The following PRELID2 variants were observed in gnomAD, a reference collection of about 807,000 sequenced individuals.
The protein encoded by PRELID2 is PRELI domain-containing protein 2.
Under a neutral mutation model 28.4 loss-of-function variants are expected in PRELID2, and 25 were observed. The observed-to-expected ratio is 0.88, with a 90% CI of 0.64 to 1.23. PRELID2 has a LOEUF of 1.23. PRELID2 is among the 50% of genes most tolerant of loss of function. The pLI is 0.00. For synonymous variants in PRELID2, 76 were observed against 71.6 expected (o/e 1.06, Z -0.31); for missense variants, 201 against 214.4 (o/e 0.94, Z 0.39).
At chr5:145,576,622 C>T (rs2149621679) in intron 1 of PRELID2, among the ~76,000 whole-genome samples, 1 of 149,914 alleles carries the variant, frequency 6.7e-6, no homozygotes, top group African/African-American at 2.4e-5. Flanking sequence ...AAATCTTTCA[C>T]AGGAGCTAAG....
intron 1 of PRELID2, among the ~76,000 whole-genome samples, chr5:145,498,481 G>A (rs1471983558): frequency 6.6e-6 from 1 of 152,034 alleles, no homozygotes; most frequent in Non-Finnish European, 1.5e-5. Context: ...ACAATGCAGT[G>A]AGAACTTGTC....
the PRELID2 span, among the ~76,000 whole-genome samples, chr5:145,232,956 T>C: frequency 1.4e-5 from 2 of 145,486 alleles, no homozygotes; most frequent in South Asian, 2.1e-4. Context: ...AAATAAAATA[T>C]ATATGTATGT....
chr5:145,371,594 C>T, the PRELID2 span, among the ~76,000 whole-genome samples: 5 of 151,864 alleles, frequency 3.3e-5, no homozygotes, highest in South Asian at 2.1e-4. Flanking sequence ...TGTCTCTTCC[C>T]GGTTTTGGTA....
chr5:145,412,951 C>T, the PRELID2 span, among the ~76,000 whole-genome samples: 3 of 152,082 alleles, frequency 2.0e-5, no homozygotes, highest in Admixed American at 1.3e-4. Context: ...AGAAATCACT[C>T]ACTATCATGA....
chr5:145,678,592 A>C (rs1409849798), intron 1 of PRELID2, among the ~76,000 whole-genome samples: 1 of 152,182 alleles, frequency 6.6e-6, no homozygotes, highest in Non-Finnish European at 1.5e-5. Flanking sequence ...ATGAGTTCAA[A>C]ACTCTTTGAG....
At chr5:145,252,948 A>G in the PRELID2 span, among the ~76,000 whole-genome samples, 1 of 152,152 alleles carries the variant, frequency 6.6e-6, no homozygotes, top group African/African-American at 2.4e-5. Context: ...CTATATTTTA[A>G]AAAACATTTT....
At chr5:145,299,236 T>A in the PRELID2 span, among the ~76,000 whole-genome samples, 1 of 152,126 alleles carries the variant, frequency 6.6e-6, no homozygotes, top group Non-Finnish European at 1.5e-5. Context: ...CCCACACCTC[T>A]TAATAATATG....
rs1005333179 is a variant in PRELID2 at position 145,559,081 on chromosome 5, C to T, written n.71-85766G>A. Among the ~76,000 whole-genome samples, 7 of 151,952 alleles carry T rather than the reference C, an allele frequency of 4.6e-5. No individual in the cohort carries two copies. The South Asian group carries it at 1.0e-3, about 23-fold the overall frequency. On this transcript the variant is annotated intron_variant and non_coding_transcript_variant, in intron 1 of 2. Coordinates refer to the PRELID2 transcript ENST00000510259. ...CATCCTGGCTAACATGGTGAAACCC[C>T]GTCTCTACTAAAAATACAAAAAAAT...
intron 1 of PRELID2, among the ~76,000 whole-genome samples, chr5:145,750,721 T>G (rs542038778): frequency 6.6e-6 from 1 of 152,286 alleles, no homozygotes; most frequent in South Asian, 2.1e-4. Flanking sequence ...TGCCATACAA[T>G]TCCCATTTCA....
In PRELID2 at chr5:145,826,568, G is replaced by A. The variant is rs573224017; in HGVS notation, c.76-3434C>T. 5.9e-5 allele frequency among the ~76,000 whole-genome samples: 9 copies of A among 152,228 alleles called. No homozygotes were observed. The East Asian group carries it at 1.5e-3, about 26-fold the overall frequency. On this transcript the variant is annotated intron_variant, in intron 1 of 6. Coordinates refer to ENST00000683046, the MANE Select transcript of PRELID2 (RefSeq NM_205846.3). ...AACTAACTCCTTTTCCTTTCCCGAA[G>A]ACATGAAACTACTACAAATACCACT... is the stretch of plus-strand genomic sequence containing the variant.
At chr5:145,577,563 G>GA (rs1274395324) in intron 1 of PRELID2, among the ~76,000 whole-genome samples, 2 of 151,678 alleles carry the variant, frequency 1.3e-5, no homozygotes, top group Non-Finnish European at 2.9e-5. Flanking sequence ...AGAAGAAAAA[G>GA]AAAAAGAATG....
chr5:145,806,707 G>A (rs920092283), intron 4 of PRELID2, among the ~76,000 whole-genome samples: 10 of 152,164 alleles, frequency 6.6e-5, no homozygotes, highest in African/African-American at 2.4e-4. Flanking sequence ...GACCTGGTGG[G>A]AGCTGATTGG....
rs1757309789 is a variant in PRELID2 at position 145,757,945 on chromosome 5, G to A, written c.*2591C>T. ...CCTGAGGATTATTTAGGAATGAGGA[G>A]GAAGATACATCTAAAAGTAGTCTTA... On this transcript the variant is annotated 3_prime_UTR_variant, in exon 7 of 7. Coordinates refer to ENST00000683046, the MANE Select transcript of PRELID2 (RefSeq NM_205846.3). Among the ~76,000 whole-genome samples the A allele has an allele frequency of 6.6e-6, 1 of 152,120 alleles. No homozygotes were observed. The highest frequency in any genetic ancestry group is 2.4e-5 in the African/African-American group (1 of 41,412).
intron 1 of PRELID2, among the ~76,000 whole-genome samples, chr5:145,735,932 AAGTG>A (rs1756484107): frequency 6.6e-6 from 1 of 152,198 alleles, no homozygotes; most frequent in African/African-American, 2.4e-5. Context: ...GCTCTCTCTG[AAGTG>A]AGTAGAATTT....
intron 1 of PRELID2, among the ~76,000 whole-genome samples, chr5:145,488,564 G>T (rs981146516): frequency 6.6e-6 from 1 of 152,098 alleles, no homozygotes; most frequent in East Asian, 1.9e-4. Context: ...AAAAAAAGAA[G>T]CCACAATTAT....
At chr5:145,374,758 C>T in the PRELID2 span, among the ~76,000 whole-genome samples, 1 of 152,102 alleles carries the variant, frequency 6.6e-6, no homozygotes, top group Non-Finnish European at 1.5e-5. Flanking sequence ...ATCCTTTCTT[C>T]CACTTAGTCA....
intron 1 of PRELID2, among the ~76,000 whole-genome samples, chr5:145,634,523 A>G (rs144289951): frequency 4.6e-5 from 7 of 152,220 alleles, no homozygotes; most frequent in Admixed American, 1.3e-4. Flanking sequence ...TTCTCCCTCT[A>G]TTCTTTTCAC....
At chr5:145,366,171 T>C in the PRELID2 span, among the ~76,000 whole-genome samples, 1 of 151,850 alleles carries the variant, frequency 6.6e-6, no homozygotes, top group Non-Finnish European at 1.5e-5. Context: ...TCACAATTAT[T>C]AGACAAGGTT....
chr5:145,793,851 T>G (rs1752563189), intron 5 of PRELID2, among the ~76,000 whole-genome samples: 1 of 151,954 alleles, frequency 6.6e-6, no homozygotes, highest in African/African-American at 2.4e-5. Context: ...TCAAGGAACA[T>G]AAAATCAAAG....
Sources: allele counts gnomAD v4.1 joint callset (sites outside exome capture counted in the v4.1 genomes callset), GRCh38; gene constraint gnomAD v4.1.1; transcripts MANE v1.5; gene names NCBI Gene and HGNC (gene_info 2026-07-23, HGNC 2026-07-21).